SNTA1: variants seen among roughly 807,000 people sequenced by gnomAD.
SNTA1 encodes the protein alpha-1-syntrophin.
SNTA1 carries 31 observed loss-of-function variants against 47.1 expected under a neutral mutation model. That is an observed-to-expected ratio of 0.66 (90% CI 0.49 to 0.89). The LOEUF (loss-of-function observed/expected upper bound fraction) is 0.89, where lower values mean the gene tolerates loss of function less well. Among genes scored for constraint, SNTA1 ranks in the 40% least tolerant of loss-of-function variants. The pLI is 0.00. For synonymous variants in SNTA1, 300 were observed against 313.6 expected (o/e 0.96, Z 0.46); for missense variants, 575 against 693.0 (o/e 0.83, Z 1.91).
chr20:33,421,011 A>T (rs1485996877), intron 2 of SNTA1, among the ~76,000 whole-genome samples: 3 of 151,618 alleles, frequency 2.0e-5, no homozygotes, highest in African/African-American at 7.3e-5. Flanking sequence ...AGAAAGTAAA[A>T]TTTAAAAAAA....
chr20:33,429,619 A>C (rs145709242), intron 2 of SNTA1, among the ~76,000 whole-genome samples: 1,563 of 152,148 alleles, frequency 0.01, 30 homozygotes, highest in African/African-American at 0.036. Context: ...AACAAGAGAG[A>C]AACTCCATCT....
intron 5 of SNTA1, among the ~76,000 whole-genome samples, 156 bp downstream of exon 5, chr20:33,412,140 T>G (rs555459010): frequency 2.6e-5 from 4 of 152,312 alleles, no homozygotes; most frequent in Admixed American, 2.6e-4. Context: ...ATTTTACAGA[T>G]GAGGAAACTG....
chr20:33,438,099 A>G (rs149079421), intron 2 of SNTA1, among the ~76,000 whole-genome samples: 7,992 of 152,210 alleles, frequency 0.053, 712 homozygotes, highest in African/African-American at 0.18. Flanking sequence ...CCAGGAGTTC[A>G]AGACTAGCCT....
At chr20:33,433,568 G>A (rs1990364660) in intron 2 of SNTA1, among the ~76,000 whole-genome samples, 1 of 152,050 alleles carries the variant, frequency 6.6e-6, no homozygotes, top group South Asian at 2.1e-4. Flanking sequence ...CGCCCAGCCA[G>A]CATTATTTTT....
At chr20:33,409,461 A>G (rs1274219111) in intron 6 of SNTA1, among the ~76,000 whole-genome samples, 3 of 149,944 alleles carry the variant, frequency 2.0e-5, no homozygotes, top group Non-Finnish European at 3.0e-5. Flanking sequence ...CCCAAACCCA[A>G]CTTCCTTTTT....
At chr20:33,421,507 G>GGATCCC (rs1453728997) in intron 2 of SNTA1, among the ~76,000 whole-genome samples, 4 of 152,150 alleles carry the variant, frequency 2.6e-5, no homozygotes, top group Non-Finnish European at 4.4e-5. Context: ...AGCTACTCAG[G>GGATCCC]AGGCTGAGGC....
chr20:33,441,252 C>T (rs146353776), intron 1 of SNTA1, among the ~76,000 whole-genome samples: 1 of 152,116 alleles, frequency 6.6e-6, no homozygotes, highest in African/African-American at 2.4e-5. Context: ...CAAGGTCACT[C>T]CACTAGTAAG....
At chr20:33,418,063 C>T in intron 2 of SNTA1, 140 bp from the exon 3 acceptor site, 1 of 629,588 alleles carries the variant, frequency 1.6e-6, no homozygotes, top group Non-Finnish European at 2.8e-6. Flanking sequence ...GTGATATTAA[C>T]AAATTCTTCT....
chr20:33,443,234 G>T, intron 1 of SNTA1, 77 bp downstream of exon 1: 1 of 1,200,852 alleles, frequency 8.3e-7, no homozygotes, highest in Non-Finnish European at 1.1e-6. Flanking sequence ...TCCATGTCCT[G>T]GGCGCGCTGC....
chr20:33,408,796 C>T lies in SNTA1; in HGVS notation c.1330G>A (p.Val444Met), dbSNP rs201571071. ...WAAEPGAARA[V>M]LLRQPFEKLQ... ...TTCTCGAAGGGCTGTCGCAGGAGCA[C>T]AGCTCGGGCTGCACCTGGCTCAGCC... Residue 444 changes from valine to methionine, a missense_variant, in exon 7 of 8, where the codon GTG becomes ATG. Physicochemically the swap from Val to Met is conservative, Grantham distance 21. Transcript: ENST00000217381. 4 of 1,614,206 alleles carry T rather than the reference C, an allele frequency of 2.5e-6. No individual in the cohort carries two copies. Among genetic ancestry groups the T allele is most frequent in the Non-Finnish European group, 2.5e-6 (3 of 1,180,010 alleles).
chr20:33,423,080 C>T (rs772514031), intron 2 of SNTA1, among the ~76,000 whole-genome samples: 31 of 152,182 alleles, frequency 2.0e-4, no homozygotes, highest in Admixed American at 1.2e-3. Context: ...AGATCTCATA[C>T]GCTACATGCT....
intron 1 of SNTA1, among the ~76,000 whole-genome samples, chr20:33,439,252 C>T (rs1282346085): frequency 6.6e-6 from 1 of 152,060 alleles, no homozygotes; most frequent in African/African-American, 2.4e-5. Context: ...GCCTGTAATC[C>T]CAGCACCTTA....
chr20:33,430,898 G>T (rs112161327), intron 2 of SNTA1, among the ~76,000 whole-genome samples: 1 of 151,360 alleles, frequency 6.6e-6, no homozygotes, highest in African/African-American at 2.4e-5. Context: ...GCAGTGAGCC[G>T]AGATCGTGCC....
chr20:33,409,901 G>A (rs190531104), intron 6 of SNTA1, among the ~76,000 whole-genome samples: 110 of 152,252 alleles, frequency 7.2e-4, no homozygotes, highest in African/African-American at 2.5e-3. Context: ...AAAGTGCTGC[G>A]ATTACAGGCG....
In SNTA1 at chr20:33,417,577, CCAGT is replaced by C. The variant is rs893731911; in HGVS notation, c.701+138_701+141del. 2.1e-5 allele frequency: 14 copies of C among 681,890 alleles called. No homozygotes were observed. The Admixed American group carries it at 2.9e-4, about 14-fold the overall frequency. The allele number at this position is 681,890 out of a possible 1,614,324, so 42.2% of individuals were successfully genotyped here. A position where few individuals can be genotyped will look rare whatever the true frequency, so the allele number is the denominator to read the frequency against. On this transcript the variant is annotated intron_variant, in intron 3 of 7. Coordinates refer to ENST00000217381, the MANE Select transcript of SNTA1 (RefSeq NM_003098.3). ...CATCTCCATGGCTTCACTCAGGCTT[CCAGT>C]CAATCTATTTTTTAAGCACCTACTA...
chr20:33,419,166 C>T (rs1358175483), intron 2 of SNTA1, among the ~76,000 whole-genome samples: 1 of 152,100 alleles, frequency 6.6e-6, no homozygotes, highest in Non-Finnish European at 1.5e-5. Context: ...CAAGGATATA[C>T]CCTCTGTGGG....
At chr20:33,416,183 C>T (rs991765796) in intron 3 of SNTA1, among the ~76,000 whole-genome samples, 1 of 152,188 alleles carries the variant, frequency 6.6e-6, no homozygotes, top group Non-Finnish European at 1.5e-5. Flanking sequence ...CTCATGGGGG[C>T]AGGCAAGAGG....
chr20:33,421,613 A>G (rs545185277), intron 2 of SNTA1, among the ~76,000 whole-genome samples: 8 of 151,788 alleles, frequency 5.3e-5, no homozygotes, highest in African/African-American at 1.5e-4. Context: ...ACTCCGTCTC[A>G]AAAAAATAAT....
intron 3 of SNTA1, among the ~76,000 whole-genome samples, chr20:33,412,995 T>G (rs540229719): frequency 1.3e-5 from 2 of 152,238 alleles, no homozygotes; most frequent in Admixed American, 6.5e-5. Context: ...ACACACGTGT[T>G]CATATATTTT....
Sources: gnomAD v4.1 joint callset for allele counts (sites outside exome capture counted in the v4.1 genomes callset) on GRCh38, gnomAD v4.1.1 for gene constraint, MANE v1.5 for transcripts, NCBI Gene and HGNC (gene_info 2026-07-23, HGNC 2026-07-21) for gene names.